The following KCNIP4 variants were observed in gnomAD, a reference collection of about 807,000 sequenced individuals.
KCNIP4 encodes Kv channel-interacting protein 4.
In KCNIP4, 12 loss-of-function variants were observed where a neutral mutation model predicts 34.0. That is an observed-to-expected ratio of 0.35 (90% CI 0.23 to 0.57). KCNIP4 has a LOEUF of 0.57. Ranked by LOEUF, KCNIP4 falls within the 20% of genes least tolerant of loss-of-function variation. The pLI, the probability that KCNIP4 is intolerant of heterozygous loss-of-function variation, is 0.83. For missense variants in KCNIP4, 238 were observed against 311.7 expected (o/e 0.76, Z 1.78); for synonymous variants, 124 against 102.2 (o/e 1.21, Z -1.29).
At chr4:20,888,355 C>T (rs947644644) in intron 1 of KCNIP4, among the ~76,000 whole-genome samples, 2 of 152,116 alleles carry the variant, frequency 1.3e-5, no homozygotes, top group Non-Finnish European at 2.9e-5. Context: ...TGAAATCAGA[C>T]TATATATCTT....
chr4:21,537,366 C>T (rs1253765086), intron 1 of KCNIP4, among the ~76,000 whole-genome samples: 1 of 152,162 alleles, frequency 6.6e-6, no homozygotes, highest in Non-Finnish European at 1.5e-5. Context: ...CACACCTCAT[C>T]ACTGCATGCC....
intron 1 of KCNIP4, among the ~76,000 whole-genome samples, chr4:21,639,698 T>C (rs1429521494): frequency 6.6e-6 from 1 of 152,172 alleles, no homozygotes; most frequent in Non-Finnish European, 1.5e-5. Flanking sequence ...TATAGATAGA[T>C]AGAAAAATAA....
chr4:21,699,804 G>A (rs565082374), intron 1 of KCNIP4, among the ~76,000 whole-genome samples: 1 of 152,210 alleles, frequency 6.6e-6, no homozygotes, highest in South Asian at 2.1e-4. Flanking sequence ...TTGCCAGAAA[G>A]CCACTCTAGG....
chr4:21,657,827 A>G (rs1748090825), intron 1 of KCNIP4, among the ~76,000 whole-genome samples: 1 of 146,458 alleles, frequency 6.8e-6, no homozygotes, highest in African/African-American at 2.5e-5. Flanking sequence ...GTTTTATCAA[A>G]TGGTTTAAAC....
At chr4:21,305,762 T>G (rs1712395801) in intron 1 of KCNIP4, among the ~76,000 whole-genome samples, 1 of 152,236 alleles carries the variant, frequency 6.6e-6, no homozygotes, top group Non-Finnish European at 1.5e-5. Flanking sequence ...TCTAGGACTT[T>G]GCTAAAATTG....
chr4:20,956,813 G>A (rs1027651789), intron 1 of KCNIP4, among the ~76,000 whole-genome samples: 2 of 152,148 alleles, frequency 1.3e-5, no homozygotes, highest in East Asian at 1.9e-4. Flanking sequence ...ATGAGATGCT[G>A]GACAGGATAG....
intron 1 of KCNIP4, among the ~76,000 whole-genome samples, chr4:20,981,234 G>T (rs1052170426): frequency 6.6e-6 from 1 of 152,136 alleles, no homozygotes; most frequent in African/African-American, 2.4e-5. Flanking sequence ...AGACCACTTG[G>T]CTTGCTTTTG....
chr4:20,906,993 T>C (rs538687887), intron 1 of KCNIP4, among the ~76,000 whole-genome samples: 3 of 152,354 alleles, frequency 2.0e-5, no homozygotes, highest in East Asian at 3.9e-4. Context: ...GTGTTTATTG[T>C]TGAATCTTCA....
chr4:21,430,315 C>T (rs545325248), intron 1 of KCNIP4, among the ~76,000 whole-genome samples: 2 of 151,748 alleles, frequency 1.3e-5, no homozygotes, highest in East Asian at 3.9e-4. Flanking sequence ...TTACAAATTA[C>T]TTTCCTTCAA....
At chr4:21,625,342 T>C (rs148165747) in intron 1 of KCNIP4, among the ~76,000 whole-genome samples, 2 of 152,082 alleles carry the variant, frequency 1.3e-5, no homozygotes, top group African/African-American at 2.4e-5. Flanking sequence ...TATGAGAATG[T>C]CTATAATTAC....
rs1306930482 is a variant in KCNIP4, at chr4:21,233,999, AATATATAACATATATAACATATATT to A, written c.62-351315_62-351291del. On this transcript the variant is annotated intron_variant, in intron 1 of 8. Coordinates refer to ENST00000382152, the MANE Select transcript of KCNIP4 (RefSeq NM_025221.6). ...AACATATATAACATATAACATGTAT[AATATATAACATATATAACATATATT>A]ATATATAACATATATAACATATATA... 1.7e-3 allele frequency among the ~76,000 whole-genome samples: 191 copies of A among 114,218 alleles called. 6 individuals are homozygous for A. The South Asian group carries it at 0.025, about 15-fold the overall frequency. 74.9% of individuals were successfully genotyped at this position (114,218 alleles called of 152,430 possible).
At chr4:21,627,663 C>A (rs1745435577) in intron 1 of KCNIP4, among the ~76,000 whole-genome samples, 1 of 152,032 alleles carries the variant, frequency 6.6e-6, no homozygotes. Flanking sequence ...GAAGAACTTG[C>A]CAAAACATAA....
At chr4:21,507,290 A>G (rs1474744454) in intron 1 of KCNIP4, among the ~76,000 whole-genome samples, 1 of 150,828 alleles carries the variant, frequency 6.6e-6, no homozygotes, top group African/African-American at 2.4e-5. Context: ...TTTGAGACAG[A>G]GTCTCACTCT....
At chr4:21,830,813 A>G (rs962312468) in intron 1 of KCNIP4, among the ~76,000 whole-genome samples, 3 of 152,204 alleles carry the variant, frequency 2.0e-5, no homozygotes, top group Non-Finnish European at 2.9e-5. Context: ...ATGGATATAA[A>G]AGACATATAT....
intron 1 of KCNIP4, among the ~76,000 whole-genome samples, chr4:21,915,338 G>A (rs942269794): frequency 6.6e-6 from 1 of 152,136 alleles, no homozygotes. Context: ...TAAAGAAGAG[G>A]ACCTAATCTT....
chr4:21,213,733 A>G (rs1221410643), intron 1 of KCNIP4, among the ~76,000 whole-genome samples: 1 of 152,232 alleles, frequency 6.6e-6, no homozygotes. Flanking sequence ...AGAAACACAG[A>G]GAAATGGTTT....
chr4:20,935,593 A>G (rs1401895592), intron 1 of KCNIP4, among the ~76,000 whole-genome samples: 1 of 152,218 alleles, frequency 6.6e-6, no homozygotes, highest in Non-Finnish European at 1.5e-5. Flanking sequence ...GAAACTTCTA[A>G]CAAGAATAAT....
At chr4:20,971,942 T>C (rs551251950) in intron 1 of KCNIP4, among the ~76,000 whole-genome samples, 258 of 152,262 alleles carry the variant, frequency 1.7e-3, no homozygotes, top group African/African-American at 5.9e-3. Flanking sequence ...TAGCTATCAA[T>C]TGAATGATGT....
At chr4:20,902,982 A>T (rs1461185850) in intron 1 of KCNIP4, among the ~76,000 whole-genome samples, 1 of 152,212 alleles carries the variant, frequency 6.6e-6, no homozygotes, top group Non-Finnish European at 1.5e-5. Context: ...CTTATTTAAT[A>T]TTGTGCCATT....
Sources: gnomAD v4.1 joint callset for allele counts (sites outside exome capture counted in the v4.1 genomes callset) on GRCh38, gnomAD v4.1.1 for gene constraint, MANE v1.5 for transcripts, NCBI Gene and HGNC (gene_info 2026-07-23, HGNC 2026-07-21) for gene names.